The following ANK2 variants were observed in gnomAD, a reference collection of about 807,000 sequenced individuals.
ANK2 encodes the protein ankyrin-2.
A neutral mutation model predicts 360.5 loss-of-function variants in ANK2; 83 were observed. The ratio of observed to expected loss-of-function variants is 0.23; its 90% CI spans 0.19 to 0.28. The LOEUF (loss-of-function observed/expected upper bound fraction) is 0.28. Among genes scored for constraint, ANK2 ranks in the 10% least tolerant of loss-of-function variants. The pLI is 1.00. For missense variants in ANK2, 4,201 were observed against 4,795.7 expected, an observed-to-expected ratio of 0.88 and a Z score of 3.66; for synonymous variants, 1,740 against 1,759.5, an observed-to-expected ratio of 0.99 and a Z score of 0.28.
chr4:113,297,315 C>T (rs895837538), intron 22 of ANK2, among the ~76,000 whole-genome samples: 3 of 152,176 alleles, frequency 2.0e-5, no homozygotes, highest in Non-Finnish European at 4.4e-5. Context: ...CTTAAAAAGA[C>T]ATACTTAGTG....
chr4:113,046,090 C>T (rs2064284232), upstream of ANK2, among the ~76,000 whole-genome samples: 1 of 152,108 alleles, frequency 6.6e-6, no homozygotes, highest in Admixed American at 6.6e-5. Context: ...GAATACTCAG[C>T]AGACAGGCAC....
At chr4:112,879,805 A>G (rs901521219) in intron 1 of ANK2, among the ~76,000 whole-genome samples, 1 of 152,170 alleles carries the variant, frequency 6.6e-6, no homozygotes, top group Non-Finnish European at 1.5e-5. Flanking sequence ...ATTAAATAAG[A>G]ATACTTTGCA....
chr4:112,931,074 A>C (rs191327700), intron 2 of ANK2, among the ~76,000 whole-genome samples: 1 of 152,296 alleles, frequency 6.6e-6, no homozygotes. Context: ...TGAGTTGTAG[A>C]TAGGCAGGAA....
At chr4:112,827,572 T>C in intron 1 of ANK2, 2 of 1,071,618 alleles carry the variant, frequency 1.9e-6, no homozygotes, top group Non-Finnish European at 2.9e-6. Flanking sequence ...GGAGATGAAA[T>C]ATTCTCGAGC....
chr4:112,805,578 ATTTTTT>A, the ANK2 span, among the ~76,000 whole-genome samples: 2 of 144,350 alleles, frequency 1.4e-5, no homozygotes, highest in Non-Finnish European at 3.0e-5. Context: ...AGGCATGCAG[ATTTTTT>A]TTTTTTTTTT....
intron 14 of ANK2, among the ~76,000 whole-genome samples, chr4:113,268,196 A>T (rs923755815): frequency 6.6e-6 from 1 of 152,146 alleles, no homozygotes; most frequent in African/African-American, 2.4e-5. Flanking sequence ...TCATTTGCAA[A>T]CAGAGACAAT....
Position 113,311,525 on chromosome 4 carries a change from G to A in ANK2, c.2693+126G>A, listed in dbSNP as rs1587925716. 5.6e-6 allele frequency: 7 copies of A among 1,258,400 alleles called. No homozygotes were observed. The Admixed American group carries it at 6.0e-5, about 11-fold the overall frequency. The allele number at this position is 1,258,400 out of a possible 1,614,324, so 78.0% of individuals were successfully genotyped here. ...GGTACCTTATTAATCTCAGCAGTTA[G>A]CATGTTATGTTTTTCCATTGTCTAA... On this transcript the variant is annotated intron_variant, in intron 24 of 45. Coordinates refer to ENST00000357077, the MANE Select transcript of ANK2 (RefSeq NM_001148.6).
chr4:113,292,171 A>G (rs2068029438), intron 20 of ANK2, among the ~76,000 whole-genome samples: 1 of 152,136 alleles, frequency 6.6e-6, no homozygotes, highest in Admixed American at 6.5e-5. Context: ...TTAAAATGTA[A>G]TAATAGTTAT....
rs17045739 is a variant in ANK2, at chr4:113,198,767, T to C, written c.286-244T>C. ...CCACAAATTTTTGATTCATTGAAAA[T>C]ACAGTCATTCCGTGTTAACACTAAA... On this transcript the variant is annotated intron_variant, in intron 3 of 45. Transcript: ENST00000357077. 0.059 allele frequency among the ~76,000 whole-genome samples: 8,949 copies of C among 152,094 alleles called. 888 individuals are homozygous for C. Among genetic ancestry groups the C allele is most frequent in the African/African-American group, 0.2 (8,477 of 41,474 alleles).
chr4:113,321,749 A>T (rs1027726238), intron 26 of ANK2, among the ~76,000 whole-genome samples: 1 of 151,816 alleles, frequency 6.6e-6, no homozygotes, highest in Non-Finnish European at 1.5e-5. Context: ...GGAAAAAAAA[A>T]GGAGACGAAG....
At chr4:112,926,422 T>C (rs1316049542) in intron 2 of ANK2, among the ~76,000 whole-genome samples, 1 of 152,238 alleles carries the variant, frequency 6.6e-6, no homozygotes, top group Non-Finnish European at 1.5e-5. Context: ...TCTGAGGTTC[T>C]ACCATGCCAG....
chr4:113,043,742 T>C (rs1174329948), intron 2 of ANK2, among the ~76,000 whole-genome samples: 1 of 152,202 alleles, frequency 6.6e-6, no homozygotes, highest in Non-Finnish European at 1.5e-5. Flanking sequence ...GCAGGCATTC[T>C]GTGTTTACAT....
At chr4:112,824,136 C>CGTCTATCT (rs1491299555) in intron 1 of ANK2, among the ~76,000 whole-genome samples, 10 of 147,948 alleles carry the variant, frequency 6.8e-5, no homozygotes, top group Non-Finnish European at 1.2e-4. Context: ...AGGTCTTCAG[C>CGTCTATCT]ATCTATCTAT....
chr4:113,135,342 G>A (rs1196077491), intron 1 of ANK2, among the ~76,000 whole-genome samples: 1 of 151,688 alleles, frequency 6.6e-6, no homozygotes, highest in African/African-American at 2.4e-5. Flanking sequence ...CTGTAAGGAG[G>A]ATTAGATATC....
At chr4:112,826,527 C>T in intron 1 of ANK2, 2 of 1,308,746 alleles carry the variant, frequency 1.5e-6, no homozygotes, top group Non-Finnish European at 2.2e-6. Flanking sequence ...TATTGGCACT[C>T]CAATGCAAAT....
chr4:112,885,743 G>T (rs2078141311), intron 1 of ANK2, among the ~76,000 whole-genome samples: 1 of 123,806 alleles, frequency 8.1e-6, no homozygotes, highest in South Asian at 2.6e-4. Flanking sequence ...CTTGCAGTGA[G>T]CCCAGATCGC....
intron 4 of ANK2, among the ~76,000 whole-genome samples, chr4:113,207,021 C>T (rs2098958909): frequency 6.6e-6 from 1 of 151,886 alleles, no homozygotes; most frequent in Non-Finnish European, 1.5e-5. Context: ...GAGACTCCAT[C>T]TCAAAAAAAA....
At chr4:113,167,730 T>C (rs1022898264) in intron 1 of ANK2, among the ~76,000 whole-genome samples, 1 of 152,200 alleles carries the variant, frequency 6.6e-6, no homozygotes, top group Admixed American at 6.5e-5. Flanking sequence ...AGAACTAGAA[T>C]GTAGAATTAG....
At chr4:112,985,019 T>C (rs944794751) in intron 2 of ANK2, among the ~76,000 whole-genome samples, 1 of 152,206 alleles carries the variant, frequency 6.6e-6, no homozygotes, top group African/African-American at 2.4e-5. Flanking sequence ...TATTTATAAG[T>C]CCGTCATCTA....
Sources: gnomAD v4.1 joint callset for allele counts (sites outside exome capture counted in the v4.1 genomes callset) on GRCh38, gnomAD v4.1.1 for gene constraint, MANE v1.5 for transcripts, NCBI Gene and HGNC (gene_info 2026-07-23, HGNC 2026-07-21) for gene names.